The following CXCL17 variants were observed in gnomAD, a reference collection of about 807,000 sequenced individuals.
CXCL17 encodes the protein C-X-C motif chemokine ligand 17.
In CXCL17, 9 loss-of-function variants were observed where a neutral mutation model predicts 15.5. The ratio of observed to expected loss-of-function variants is 0.58; its 90% confidence interval spans 0.35 to 1.01. The LOEUF (loss-of-function observed/expected upper bound fraction) is 1.01. Among genes scored for constraint, CXCL17 ranks in the 50% least tolerant of loss-of-function variants. The pLI, the probability that CXCL17 is intolerant of heterozygous loss-of-function variation, is 0.02. For missense variants in CXCL17, 133 were observed against 138.2 expected (o/e 0.96, Z 0.19); for synonymous variants, 52 against 52.3 (o/e 0.99, Z 0.02).
In CXCL17 at chr19:42,438,381, A is replaced by AAAAT. The variant is rs1555793041; in HGVS notation, c.79+4372_79+4373insATTT. 3.2e-3 allele frequency among the ~76,000 whole-genome samples: 206 copies of AAAAT among 63,778 alleles called. 3 individuals are homozygous for AAAAT. Among genetic ancestry groups the AAAAT allele is most frequent in the Non-Finnish European group, 4.1e-3 (158 of 38,882 alleles). The allele number at this position is 63,778 out of a possible 152,430, so 41.8% of individuals were successfully genotyped here. ...AAAAAAAAAAAAAAAAAAAAAAAAAAATATATATATATATATATATATATA... is the reference window on the plus strand; with the variant it reads ...AAAAAAAAAAAAAAAAAAAAAAAAAAAAATATATATATATATATATATATATATA... On this transcript the variant is annotated intron_variant, in intron 1 of 3. Transcript: ENST00000601181.
chr19:42,429,211 G>C (rs554028480), intron 3 of CXCL17, among the ~76,000 whole-genome samples: 28 of 152,094 alleles, frequency 1.8e-4, no homozygotes, highest in African/African-American at 6.7e-4. Context: ...TATTTTAGTA[G>C]AGACAGGGTT....
At chr19:42,439,445 A>G (rs1028251829) in intron 1 of CXCL17, among the ~76,000 whole-genome samples, 7 of 149,866 alleles carry the variant, frequency 4.7e-5, no homozygotes, top group South Asian at 4.2e-4. Context: ...TGATGATGCC[A>G]TAACTGGTGA....
chr19:42,438,076 A>G (rs958773515), intron 1 of CXCL17, among the ~76,000 whole-genome samples: 2 of 151,920 alleles, frequency 1.3e-5, no homozygotes, highest in Non-Finnish European at 2.9e-5. Flanking sequence ...ATATACTGTA[A>G]TAGGCCAGGT....
chr19:42,434,665 AGCGATCC>A (rs2040815656), intron 1 of CXCL17, among the ~76,000 whole-genome samples: 1 of 152,020 alleles, frequency 6.6e-6, no homozygotes, highest in African/African-American at 2.4e-5. Context: ...CATGGGCGTA[AGCGATCC>A]GCCTGTCTTG....
Position 42,428,837 on chromosome 19 carries a change from C to G in CXCL17, c.*47G>C. 6.9e-7 allele frequency: 1 copy of G among 1,447,560 alleles called. No individual in the cohort carries two copies. The highest frequency in any genetic ancestry group is 9.7e-7 in the Non-Finnish European group (1 of 1,028,566). The allele number at this position is 1,447,560 out of a possible 1,614,324, so 89.7% of individuals were successfully genotyped here. A position where few individuals can be genotyped will look rare whatever the true frequency, so the allele number is the denominator to read the frequency against. On this transcript the variant is annotated 3_prime_UTR_variant, in exon 4 of 4. Transcript: ENST00000601181. ...AGTGTCTGGTAGGTGTGCTCACTGT[C>G]TTCTTGGCTGAGAATGTTTAATTGG...
chr19:42,442,677 C>T, intron 1 of CXCL17, 77 bp downstream of exon 1: 1 of 1,018,252 alleles, frequency 9.8e-7, no homozygotes, highest in African/African-American at 1.6e-5. Flanking sequence ...CTAAGAGAAG[C>T]TGCATTTTGA....
At chr19:42,430,119 C>T (rs1450789015) in intron 3 of CXCL17, among the ~76,000 whole-genome samples, 1 of 151,970 alleles carries the variant, frequency 6.6e-6, no homozygotes, top group Admixed American at 6.6e-5. Flanking sequence ...CATGCCACTG[C>T]ACTCCAGCCT....
At chr19:42,429,118 C>T (rs188666853) in intron 3 of CXCL17, 137 bp from the exon 4 acceptor site, 1 of 620,998 alleles carries the variant, frequency 1.6e-6, no homozygotes, top group Admixed American at 2.6e-5. Flanking sequence ...ACCTCTGCCT[C>T]CCGGGTTCAA....
Position 42,428,902 on chromosome 19 carries a change from G to T in CXCL17, c.342C>A (p.Ser114Arg), listed in dbSNP as rs150975680. 1 of 1,613,984 alleles carries T rather than the reference G, an allele frequency of 6.2e-7. No homozygotes were observed. Among genetic ancestry groups the T allele is most frequent in the Admixed American group, 1.7e-5 (1 of 60,016 alleles). The stretch of plus-strand genomic sequence containing the variant: ...AGAGCTCCTACAAAGGCAGAGCAAA[G>T]CTTCTTAGCTGACATTGTTTGAGAA... Reference protein sequence around the residue: ...QQFLKQCQLRSFALPL With the variant: ...QQFLKQCQLRRFALPL The change falls in exon 4 of 4, where the codon AGC (serine) becomes AGA (arginine). Residue 114 changes from serine (S) to arginine (R), a missense_variant. Coordinates refer to ENST00000601181, the MANE Select transcript of CXCL17 (RefSeq NM_198477.3).
At chr19:42,441,626 G>A (rs369759933) in intron 1 of CXCL17, among the ~76,000 whole-genome samples, 1 of 152,154 alleles carries the variant, frequency 6.6e-6, no homozygotes, top group Non-Finnish European at 1.5e-5. Flanking sequence ...CAAAGGAGGG[G>A]ATGTTGGAAA....
chr19:42,440,648 A>T (rs1010905173), intron 1 of CXCL17, among the ~76,000 whole-genome samples: 10 of 152,204 alleles, frequency 6.6e-5, no homozygotes, highest in African/African-American at 2.4e-4. Context: ...TGTGTGTGAC[A>T]AGTGGTATTT....
intron 1 of CXCL17, among the ~76,000 whole-genome samples, chr19:42,436,596 T>G (rs2040836551): frequency 6.6e-6 from 1 of 152,222 alleles, no homozygotes; most frequent in African/African-American, 2.4e-5. Context: ...ATTTGTTACC[T>G]ACATATGCTT....
chr19:42,438,408 A>AAC, intron 1 of CXCL17, among the ~76,000 whole-genome samples: 1 of 90,188 alleles, frequency 1.1e-5, no homozygotes, highest in South Asian at 3.8e-4. Flanking sequence ...ATATATATAA[A>AAC]ATACACACAC....
At chr19:42,429,997 A>G (rs184700947) in intron 3 of CXCL17, among the ~76,000 whole-genome samples, 2 of 151,184 alleles carry the variant, frequency 1.3e-5, no homozygotes, top group Admixed American at 6.6e-5. Flanking sequence ...GCGAAATCCT[A>G]TCTCTACAAA....
chr19:42,428,776 G>C lies in CXCL17; in HGVS notation c.*108C>G. ...TTTGAGAGCACTGGAATGATTTAGG[G>C]GTGGGTACAGTGGGAGAGTGAGGTG... On this transcript the variant is annotated 3_prime_UTR_variant, in exon 4 of 4. Transcript: ENST00000601181. 1 of 811,732 alleles carries C rather than the reference G, an allele frequency of 1.2e-6. No individual in the cohort carries two copies. Among genetic ancestry groups the C allele is most frequent in the Non-Finnish European group, 2.2e-6 (1 of 462,040 alleles). The allele number at this position is 811,732 out of a possible 1,614,324, so 50.3% of individuals were successfully genotyped here.
intron 3 of CXCL17, among the ~76,000 whole-genome samples, chr19:42,429,889 C>T (rs994579659): frequency 2.6e-5 from 4 of 152,108 alleles, no homozygotes; most frequent in Admixed American, 6.5e-5. Context: ...GAAATCTGGC[C>T]GGGCATAGTG....
intron 1 of CXCL17, among the ~76,000 whole-genome samples, chr19:42,442,174 C>T (rs1228244789): frequency 2.0e-5 from 3 of 150,482 alleles, no homozygotes; most frequent in South Asian, 4.2e-4. Context: ...TACATACGTA[C>T]GTGTGTGTGA....
At position 42,442,532 on chromosome 19, in the gene CXCL17, C is replaced by T. The variant is rs369544877; in HGVS notation, c.79+222G>A. Among the ~76,000 whole-genome samples, 11 of 152,284 alleles carry T rather than the reference C, an allele frequency of 7.2e-5. 1 individual carries two copies. The highest frequency in any genetic ancestry group is 2.6e-4 in the African/African-American group (11 of 41,570). On this transcript the variant is annotated intron_variant, in intron 1 of 3. Coordinates refer to ENST00000601181, the MANE Select transcript of CXCL17 (RefSeq NM_198477.3). ...TACAGGAGTGAGCCACCGCGCCCGG[C>T]CAGTTGCAGATATTTTCACATACAA...
intron 1 of CXCL17, among the ~76,000 whole-genome samples, chr19:42,434,705 T>C (rs1434860092): frequency 1.3e-5 from 2 of 152,088 alleles, no homozygotes; most frequent in South Asian, 2.1e-4. Context: ...GCTGTGATTA[T>C]AGGCATGAGC....
Sources: gnomAD v4.1 joint callset for allele counts (sites outside exome capture counted in the v4.1 genomes callset) on GRCh38, gnomAD v4.1.1 for gene constraint, MANE v1.5 for transcripts, NCBI Gene and HGNC (gene_info 2026-07-23, HGNC 2026-07-21) for gene names.